The following WNK2 variants were observed in gnomAD, a reference collection of about 807,000 sequenced individuals.
WNK2 encodes serine/threonine-protein kinase WNK2.
A neutral mutation model predicts 192.1 loss-of-function variants in WNK2; 67 were observed. The ratio of observed to expected loss-of-function variants is 0.35; its 90% CI spans 0.29 to 0.43. WNK2 has a LOEUF of 0.43. Among genes scored for constraint, WNK2 ranks in the 20% least tolerant of loss-of-function variants. WNK2 has a pLI of 1.00. For synonymous variants in WNK2, 1,439 were observed against 1,393.9 expected (o/e 1.03, Z -0.72); for missense variants, 2,698 against 3,089.7 (o/e 0.87, Z 3.01).
chr9:93,244,964 G>A (rs1841429346), intron 7 of WNK2, among the ~76,000 whole-genome samples: 1 of 152,194 alleles, frequency 6.6e-6, no homozygotes, highest in African/African-American at 2.4e-5. Context: ...GCAACCCTGA[G>A]TGTAGACGGG....
chr9:93,212,490 A>G (rs1487989893), intron 2 of WNK2, among the ~76,000 whole-genome samples: 1 of 152,060 alleles, frequency 6.6e-6, no homozygotes, highest in East Asian at 1.9e-4. Flanking sequence ...AACCCTGGCT[A>G]TGTTGTTTCT....
intron 2 of WNK2, among the ~76,000 whole-genome samples, chr9:93,196,859 G>C (rs1831366379): frequency 1.3e-5 from 2 of 152,162 alleles, no homozygotes; most frequent in African/African-American, 4.8e-5. Context: ...CTCCAAGACT[G>C]TCAGTGTCTG....
At chr9:93,297,360 G>A (rs1335066058) in intron 23 of WNK2, among the ~76,000 whole-genome samples, 2 of 152,224 alleles carry the variant, frequency 1.3e-5, no homozygotes, top group African/African-American at 4.8e-5. Context: ...GGTGTGGCAT[G>A]GCCCCTGGAA....
In WNK2 at chr9:93,320,480, C is replaced by T. The variant is rs368423415; in HGVS notation, c.*88C>T. 1.1e-4 allele frequency: 146 copies of T among 1,310,092 alleles called. No individual in the cohort carries two copies. The highest frequency in any genetic ancestry group is 4.3e-4 in the Middle Eastern group (2 of 4,654). The allele number at this position is 1,310,092 out of a possible 1,614,324, so 81.2% of individuals were successfully genotyped here. ...CCAGCTGCTCCTCCTGTCCAGTTCA[C>T]GCTGTTTTGTAACCACTTTCTAAGC... On this transcript the variant is annotated 3_prime_UTR_variant, in exon 30 of 30. Transcript: ENST00000427277.
Position 93,230,930 on chromosome 9 carries a change from C to T in WNK2, c.897C>T (p.Arg299=). 6.2e-7 allele frequency: 1 copy of T among 1,613,902 alleles called. No homozygotes were observed. The highest frequency in any genetic ancestry group is 1.1e-5 in the South Asian group (1 of 91,078). ...RFKVMKPKVL[R]SWCRQILKGL... ...AGGTGATGAAGCCCAAGGTTCTCCG[C>T]AGCTGGTGCCGGCAGATCCTGAAGG... Residue 299 remains arginine (R), a synonymous_variant, in exon 4 of 30, where the codon CGC becomes CGT. Transcript: ENST00000427277.
chr9:93,215,873 ATCT>A lies in WNK2; in HGVS notation c.682-13818_682-13816del, dbSNP rs568149367. Among the ~76,000 whole-genome samples, 171 of 151,538 alleles carry A rather than the reference ATCT, an allele frequency of 1.1e-3. 3 individuals carry two copies. Among genetic ancestry groups the A allele is most frequent in the African/African-American group, 4.0e-3 (165 of 41,234 alleles). On this transcript the variant is annotated intron_variant, in intron 2 of 29. Transcript: ENST00000427277. ...TTCATCATTTTGGTCTTGTCTCCTG[ATCT>A]TCTTGGTCATTTTTTATTGCTGTGT...
intron 2 of WNK2, among the ~76,000 whole-genome samples, chr9:93,213,801 A>G (rs1835218706): frequency 6.6e-6 from 1 of 152,222 alleles, no homozygotes; most frequent in Non-Finnish European, 1.5e-5. Context: ...AAAACAAAAC[A>G]AAACAAAACA....
chr9:93,283,044 C>T (rs375489221), intron 19 of WNK2, among the ~76,000 whole-genome samples: 1 of 152,184 alleles, frequency 6.6e-6, no homozygotes, highest in East Asian at 1.9e-4. Context: ...TTATAAATAT[C>T]TCATTCGGCA....
intron 9 of WNK2, among the ~76,000 whole-genome samples, chr9:93,254,080 C>T (rs1194569025): frequency 2.0e-5 from 3 of 152,184 alleles, no homozygotes; most frequent in Admixed American, 2.0e-4. Context: ...CCACGCCCAG[C>T]TAATTTTTGT....
intron 8 of WNK2, among the ~76,000 whole-genome samples, chr9:93,251,138 C>T (rs1346959662): frequency 2.6e-5 from 4 of 151,142 alleles, no homozygotes; most frequent in African/African-American, 9.7e-5. Context: ...TTTTTTGAGA[C>T]AGGGTCTCGC....
At chr9:93,276,058 CA>C (rs1846819288) in intron 19 of WNK2, among the ~76,000 whole-genome samples, 1 of 152,044 alleles carries the variant, frequency 6.6e-6, no homozygotes, top group South Asian at 2.1e-4. Flanking sequence ...ATTGCAGTAA[CA>C]AAAGTTAAAG....
At chr9:93,317,454 C>T (rs1010808217) in intron 28 of WNK2, 66 bp from the exon 29 acceptor site, 13 of 1,523,588 alleles carry the variant, frequency 8.5e-6, no homozygotes. Flanking sequence ...ACCCTGGGGG[C>T]CACTAAGGGA....
At chr9:93,308,121 C>G in intron 27 of WNK2, 1 of 1,068,532 alleles carries the variant, frequency 9.4e-7, no homozygotes, top group South Asian at 1.7e-5. Flanking sequence ...GGGTGATGGC[C>G]ACCTGGCACA....
Position 93,257,039 on chromosome 9 carries a change from C to A in WNK2, c.2282C>A (p.Pro761Gln). ...CAGCCGGTTCCCCCCCACCTGCCAC[C>A]GTACCTGGCTCCAGCCTCCCAGGTG... Reference protein sequence around the residue: ...PLQPVPPHLPPYLAPASQVGA... With the variant: ...PLQPVPPHLPQYLAPASQVGA... Residue 761 changes from proline (P) to glutamine (Q), a missense_variant, in exon 11 of 30, where the codon CCG becomes CAG. Coordinates refer to ENST00000427277, the MANE Select transcript of WNK2 (RefSeq NM_006648.4). This position sits in a 1 kb window ranked among gnomAD's most constrained non-coding sequence, Gnocchi z 4.7. The A allele has an allele frequency of 6.2e-7, 1 of 1,604,486 alleles. No homozygotes were observed. Among genetic ancestry groups the A allele is most frequent in the Non-Finnish European group, 8.5e-7 (1 of 1,177,840 alleles).
intron 6 of WNK2, among the ~76,000 whole-genome samples, chr9:93,238,639 A>T (rs11788911): frequency 6.6e-6 from 1 of 152,116 alleles, no homozygotes; most frequent in African/African-American, 2.4e-5. Flanking sequence ...AGCCTGTAGC[A>T]TCTGAGCACC....
intron 21 of WNK2, among the ~76,000 whole-genome samples, chr9:93,290,494 G>A (rs1395817253): frequency 2.1e-4 from 32 of 152,196 alleles, no homozygotes; most frequent in Admixed American, 2.0e-3. Context: ...GGAGCCACAT[G>A]CTAACACTCT....
At chr9:93,263,788 T>C (rs1234875585) in intron 15 of WNK2, 54 bp downstream of exon 15, 2 of 158,318 alleles carry the variant, frequency 1.3e-5, no homozygotes, top group African/African-American at 1.1e-4. Context: ...ATGGTGGGGG[T>C]GTGGTGGGGG....
chr9:93,302,566 T>C (rs1054087657), intron 26 of WNK2, among the ~76,000 whole-genome samples: 1 of 151,994 alleles, frequency 6.6e-6, no homozygotes, highest in African/African-American at 2.4e-5. Context: ...TTTTGAAATA[T>C]AGAAGGATCC....
chr9:93,240,046 A>C, intron 7 of WNK2, 70 bp downstream of exon 7: 5 of 1,492,616 alleles, frequency 3.3e-6, no homozygotes, highest in Non-Finnish European at 4.6e-6. Flanking sequence ...GGATGAGAAC[A>C]AAAGTGGGCT....
Sources: allele counts gnomAD v4.1 joint callset (sites outside exome capture counted in the v4.1 genomes callset), GRCh38; gene constraint gnomAD v4.1.1; non-coding constraint Gnocchi (gnomAD v3.1); transcripts MANE v1.5; gene names NCBI Gene and HGNC (gene_info 2026-07-23, HGNC 2026-07-21).